DNAH11: variants seen among roughly 807,000 people sequenced by gnomAD.
DNAH11 encodes dynein axonemal heavy chain 11.
Under a neutral mutation model 526.0 loss-of-function variants are expected in DNAH11, and 442 were observed. That is an observed-to-expected ratio of 0.84 (90% CI 0.78 to 0.91). The LOEUF is 0.91. Among genes scored for constraint, DNAH11 ranks in the 40% least tolerant of loss-of-function variants. The probability of loss-of-function intolerance (pLI) is 0.00; values close to 1 mark genes in which losing one functional copy is unlikely to be tolerated. For synonymous variants in DNAH11, 2,461 were observed against 1,935.9 expected, an observed-to-expected ratio of 1.27 and a Z score of -7.12; for missense variants, 6,989 against 5,448.7, an observed-to-expected ratio of 1.28 and a Z score of -8.90.
At chr7:21,623,148 G>A (rs1488614519) in intron 25 of DNAH11, among the ~76,000 whole-genome samples, 1 of 152,008 alleles carries the variant, frequency 6.6e-6, no homozygotes, top group African/African-American at 2.4e-5. Flanking sequence ...TCAAAAAGTG[G>A]GCGAAGGACA....
At chr7:21,879,534 C>T (rs1021864485) in intron 74 of DNAH11, among the ~76,000 whole-genome samples, 1 of 151,936 alleles carries the variant, frequency 6.6e-6, no homozygotes, top group African/African-American at 2.4e-5. Flanking sequence ...GTCATCCCAA[C>T]AATGAATTTT....
At chr7:21,893,251 A>T (rs1784391541) in intron 77 of DNAH11, among the ~76,000 whole-genome samples, 1 of 152,230 alleles carries the variant, frequency 6.6e-6, no homozygotes, top group Admixed American at 6.5e-5. Context: ...CTTTAATAGT[A>T]TTCCCAATCA....
chr7:21,629,747 T>A (rs1320361832), intron 25 of DNAH11, among the ~76,000 whole-genome samples: 1 of 152,168 alleles, frequency 6.6e-6, no homozygotes, highest in Non-Finnish European at 1.5e-5. Flanking sequence ...ACTCTTACTC[T>A]TTTTTGGTTT....
Position 21,589,247 on chromosome 7 carries a change from G to C in DNAH11, c.2013G>C (p.Lys671Asn), listed in dbSNP as rs752070111. 6.2e-7 allele frequency: 1 copy of C among 1,609,866 alleles called. No individual in the cohort carries two copies. Among genetic ancestry groups the C allele is most frequent in the Non-Finnish European group, 8.5e-7 (1 of 1,178,722 alleles). The change falls in exon 12 of 82, where the codon AAG (lysine) becomes AAC (asparagine). Residue 671 changes from lysine (K) to asparagine (N), a missense_variant. Coordinates refer to ENST00000409508, the MANE Select transcript of DNAH11 (RefSeq NM_001277115.2). The stretch of plus-strand genomic sequence containing the variant: ...CTGATCACGCTTTAGTTTATCAAAA[G>C]TATGTTGAAATGACCACTTTGCTTG... ...GNPDHALVYQ[K>N]YVEMTTLLDQ...
intron 9 of DNAH11, among the ~76,000 whole-genome samples, chr7:21,585,508 C>G (rs186173115): frequency 6.6e-6 from 1 of 152,078 alleles, no homozygotes; most frequent in Admixed American, 6.6e-5. Context: ...GGAAGGGCAC[C>G]GGAACTGAGC....
At chr7:21,566,274 G>C (rs1783663112) in intron 6 of DNAH11, among the ~76,000 whole-genome samples, 1 of 152,144 alleles carries the variant, frequency 6.6e-6, no homozygotes, top group South Asian at 2.1e-4. Context: ...AAATAATGTG[G>C]CTTCTCTTGT....
intron 56 of DNAH11, among the ~76,000 whole-genome samples, chr7:21,778,288 G>A (rs762835537): frequency 8.5e-5 from 13 of 152,128 alleles, no homozygotes; most frequent in Admixed American, 3.3e-4. Flanking sequence ...GATGGGAGAC[G>A]TGTATGCCTC....
At chr7:21,662,960 CTCA>C (rs941373870) in intron 30 of DNAH11, among the ~76,000 whole-genome samples, 4 of 152,008 alleles carry the variant, frequency 2.6e-5, no homozygotes, top group African/African-American at 9.7e-5. Context: ...CCATTAATTT[CTCA>C]TCATCCACCC....
At chr7:21,654,607 A>T (rs958756707) in intron 28 of DNAH11, among the ~76,000 whole-genome samples, 1 of 152,142 alleles carries the variant, frequency 6.6e-6, no homozygotes, top group Non-Finnish European at 1.5e-5. Flanking sequence ...TACCTAGGAG[A>T]GGAGTTGCTG....
rs866479331 is a variant in DNAH11, at chr7:21,726,908, G to C, written c.7440+924G>C. Among the ~76,000 whole-genome samples, 286 of 123,354 alleles carry C rather than the reference G, an allele frequency of 2.3e-3. 4 individuals carry two copies. The highest frequency in any genetic ancestry group is 8.5e-3 in the African/African-American group (275 of 32,164). 80.9% of individuals were successfully genotyped at this position (123,354 alleles called of 152,430 possible). A position where few individuals can be genotyped will look rare whatever the true frequency, so the allele number is the denominator to read the frequency against. ...AAAAAAAAAGAATGCTTAGTGAGAT[G>C]TCTGTTATATTTCTGCATCCTCTTT... On this transcript the variant is annotated intron_variant, in intron 45 of 81. Coordinates refer to ENST00000409508, the MANE Select transcript of DNAH11 (RefSeq NM_001277115.2).
intron 54 of DNAH11, among the ~76,000 whole-genome samples, chr7:21,758,612 A>G (rs993275727): frequency 2.0e-5 from 3 of 152,216 alleles, no homozygotes; most frequent in African/African-American, 7.2e-5. Flanking sequence ...GTTATGTAAG[A>G]TAACAGAAGA....
At chr7:21,567,627 G>T (rs12668100) in intron 6 of DNAH11, among the ~76,000 whole-genome samples, 27,182 of 152,206 alleles carry the variant, frequency 0.18, 2,493 homozygotes, top group Middle Eastern at 0.24. Flanking sequence ...AACAGGTGCT[G>T]TGTAGATGAC....
chr7:21,864,688 G>T, intron 70 of DNAH11, 31 bp downstream of exon 70: 1 of 1,541,554 alleles, frequency 6.5e-7, no homozygotes, highest in Non-Finnish European at 8.7e-7. Context: ...CTCAAATTCT[G>T]GATCTTATTT....
chr7:21,581,658 C>G (rs1312148207), intron 8 of DNAH11, among the ~76,000 whole-genome samples: 2 of 152,192 alleles, frequency 1.3e-5, no homozygotes, highest in Non-Finnish European at 1.5e-5. Context: ...GCCTGGGCCA[C>G]TGAAAAGAAT....
At chr7:21,680,541 T>A (rs2965393) in intron 30 of DNAH11, among the ~76,000 whole-genome samples, 69,507 of 151,996 alleles carry the variant, frequency 0.46, 16,252 homozygotes, top group African/African-American at 0.52. Context: ...TTCACATGTT[T>A]ATGTAGGTAG....
intron 27 of DNAH11, 79 bp from the exon 28 acceptor site, chr7:21,638,860 A>G: frequency 1.3e-6 from 2 of 1,502,256 alleles, no homozygotes; most frequent in South Asian, 1.3e-5. Context: ...ATGGACATAG[A>G]GGACTTGAGT....
At chr7:21,630,862 C>A (rs145467125) in intron 25 of DNAH11, among the ~76,000 whole-genome samples, 1 of 152,240 alleles carries the variant, frequency 6.6e-6, no homozygotes, top group Non-Finnish European at 1.5e-5. Flanking sequence ...ATTTATATCT[C>A]TCTCAGGCTT....
At chr7:21,558,701 T>G (rs1783319144) in intron 2 of DNAH11, 101 bp from the exon 3 acceptor site, 2 of 781,494 alleles carry the variant, frequency 2.6e-6, no homozygotes, top group South Asian at 3.9e-5. Flanking sequence ...ATTGGATATT[T>G]ATGAAATTGG....
At position 21,577,447 on chromosome 7, in the gene DNAH11, C is replaced by G. The variant is rs141357357; in HGVS notation, c.1594-4458C>G. On this transcript the variant is annotated intron_variant, in intron 8 of 81. Transcript: ENST00000409508. ...GCTGGCCAGGAATGAACTTCATTCTCTGTGGTGTCCGGAGACCATGTGGGA... is the reference window on the plus strand; with the variant it reads ...GCTGGCCAGGAATGAACTTCATTCTGTGTGGTGTCCGGAGACCATGTGGGA... 7.7e-3 allele frequency among the ~76,000 whole-genome samples: 1,168 copies of G among 152,296 alleles called. 14 individuals carry two copies. Among genetic ancestry groups the G allele is most frequent in the Non-Finnish European group, 0.011 (753 of 68,022 alleles).
Sources: allele counts gnomAD v4.1 joint callset (sites outside exome capture counted in the v4.1 genomes callset), GRCh38; gene constraint gnomAD v4.1.1; transcripts MANE v1.5; gene names NCBI Gene and HGNC (gene_info 2026-07-23, HGNC 2026-07-21).